Variants in NRIP1 observed in about 807,000 individuals in gnomAD.
The protein encoded by NRIP1 is nuclear receptor-interacting protein 1.
In NRIP1, 28 loss-of-function variants were observed where a neutral mutation model predicts 75.0. The ratio of observed to expected loss-of-function variants is 0.37; its 90% CI spans 0.28 to 0.51. NRIP1 has a LOEUF of 0.51. NRIP1 is among the 20% of genes least tolerant of loss of function. The pLI, the probability that NRIP1 is intolerant of heterozygous loss-of-function variation, is 0.92. For synonymous variants in NRIP1, 526 were observed against 487.6 expected (o/e 1.08, Z -1.04); for missense variants, 1,435 against 1,343.7 (o/e 1.07, Z -1.06).
chr21:14,974,953 TA>T lies in NRIP1; in HGVS notation c.-334-6428del, dbSNP rs549265843. Among the ~76,000 whole-genome samples the T allele has an allele frequency of 6.0e-4, 89 of 148,224 alleles. 1 individual carries two copies. Among genetic ancestry groups the T allele is most frequent in the East Asian group, 5.9e-3 (30 of 5,076 alleles). On this transcript the variant is annotated intron_variant, in intron 3 of 3. Coordinates refer to ENST00000318948, the MANE Select transcript of NRIP1 (RefSeq NM_003489.4). ...CGAGACCCCATCTTTACAAAAACATTAAAAAAAAAATAGCTGGGTGTGATGT... is the reference window on the plus strand; with the variant it reads ...CGAGACCCCATCTTTACAAAAACATTAAAAAAAAATAGCTGGGTGTGATGT...
chr21:14,963,546 G>C lies in NRIP1; in HGVS notation c.*1170C>G, dbSNP rs1283859571. The C allele has an allele frequency of 2.6e-5, 4 of 152,480 alleles. No homozygotes were observed. Among genetic ancestry groups the C allele is most frequent in the African/African-American group, 9.7e-5 (4 of 41,438 alleles). 9.4% of individuals were successfully genotyped at this position (152,480 alleles called of 1,614,324 possible). A position where few individuals can be genotyped will look rare whatever the true frequency, so the allele number is the denominator to read the frequency against. Reference sequence around the variant, plus strand: ...TGAGCTGATGTGTGACTGTATTGGGGAAAATAGAGGCATCACATAGTTTTT... The same window carrying C: ...TGAGCTGATGTGTGACTGTATTGGGCAAAATAGAGGCATCACATAGTTTTT... On this transcript the variant is annotated 3_prime_UTR_variant, in exon 4 of 4. Transcript: ENST00000318948.
chr21:15,015,861 TA>T (rs2088215516), intron 2 of NRIP1, among the ~76,000 whole-genome samples: 1 of 152,202 alleles, frequency 6.6e-6, no homozygotes, highest in African/African-American at 2.4e-5. Context: ...ACATACATAT[TA>T]TTTTTCTAAC....
chr21:15,035,438 GT>G (rs2088809500), intron 2 of NRIP1, among the ~76,000 whole-genome samples: 1 of 151,884 alleles, frequency 6.6e-6, no homozygotes, highest in Non-Finnish European at 1.5e-5. Context: ...AATAAAGTCT[GT>G]ATAATTCTCA....
At chr21:14,992,237 C>CG (rs2087593090) in intron 3 of NRIP1, 1 of 152,208 alleles carries the variant, frequency 6.6e-6, no homozygotes, top group Admixed American at 6.5e-5. Context: ...TTTATAGAGA[C>CG]GGGGTTTCGA....
intron 1 of NRIP1, among the ~76,000 whole-genome samples, chr21:15,061,106 C>G (rs1333409005): frequency 2.0e-5 from 3 of 152,128 alleles, no homozygotes; most frequent in African/African-American, 7.2e-5. Flanking sequence ...TTCACAGATT[C>G]AAACTCATAT....
chr21:15,062,367 C>G (rs1190400678), intron 1 of NRIP1, among the ~76,000 whole-genome samples: 1 of 152,194 alleles, frequency 6.6e-6, no homozygotes, highest in Non-Finnish European at 1.5e-5. Flanking sequence ...TTGTAATGCT[C>G]TCCTGTATTT....
intron 1 of NRIP1, among the ~76,000 whole-genome samples, chr21:15,058,069 C>T (rs1237893256): frequency 6.6e-6 from 1 of 152,172 alleles, no homozygotes; most frequent in Non-Finnish European, 1.5e-5. Context: ...GCATATACTG[C>T]TGTACAGTCA....
intron 3 of NRIP1, among the ~76,000 whole-genome samples, chr21:14,993,600 G>A (rs2087631491): frequency 6.6e-6 from 1 of 152,054 alleles, no homozygotes; most frequent in Non-Finnish European, 1.5e-5. Flanking sequence ...GGGCAACACA[G>A]CGAGACCCCA....
intron 3 of NRIP1, among the ~76,000 whole-genome samples, chr21:14,991,950 T>C (rs375872791): frequency 5.0e-4 from 76 of 152,318 alleles, no homozygotes; most frequent in African/African-American, 1.7e-3. Context: ...TGCGTTCCTT[T>C]CATCTTTTTT....
intron 3 of NRIP1, among the ~76,000 whole-genome samples, chr21:15,008,129 CAG>C (rs2088017117): frequency 6.7e-6 from 1 of 150,190 alleles, no homozygotes. Flanking sequence ...AAGAATTTAA[CAG>C]AGTATCAGCC....
At chr21:15,002,582 C>A (rs1213263479) in intron 3 of NRIP1, among the ~76,000 whole-genome samples, 1 of 152,080 alleles carries the variant, frequency 6.6e-6, no homozygotes, top group East Asian at 1.9e-4. Context: ...TTTTTTTAAT[C>A]TCAGGGGCAT....
rs371530639 is a variant in NRIP1, at chr21:14,963,349, GCTAA to G, written c.*1363_*1366del. ...GTGGCCCTGTTTTTCCATCCCTAAGGCTAACTAAGTAGATGTTACTCATTAGAAC... is the reference window on the plus strand; with the variant it reads ...GTGGCCCTGTTTTTCCATCCCTAAGGCTAAGTAGATGTTACTCATTAGAAC... On this transcript the variant is annotated 3_prime_UTR_variant, in exon 4 of 4. Coordinates refer to ENST00000318948, the MANE Select transcript of NRIP1 (RefSeq NM_003489.4). 445 of 152,516 alleles carry G rather than the reference GCTAA, an allele frequency of 2.9e-3. 1 individual carries two copies. The highest frequency in any genetic ancestry group is 0.01 in the Middle Eastern group (3 of 294). 9.4% of individuals were successfully genotyped at this position (152,516 alleles called of 1,614,324 possible). A position where few individuals can be genotyped will look rare whatever the true frequency, so the allele number is the denominator to read the frequency against.
At chr21:15,023,226 T>A (rs981934238) in intron 2 of NRIP1, among the ~76,000 whole-genome samples, 2 of 152,210 alleles carry the variant, frequency 1.3e-5, no homozygotes, top group Admixed American at 6.5e-5. Flanking sequence ...GTAAATTATA[T>A]CTCAGTAAAG....
chr21:15,064,873 C>T lies in NRIP1; in HGVS notation c.-666G>A, dbSNP rs1411441175. 6 of 148,222 alleles carry T rather than the reference C, an allele frequency of 4.0e-5. No individual in the cohort carries two copies. In the East Asian group the frequency reaches 9.8e-4, roughly 24 times the overall value. 9.2% of individuals were successfully genotyped at this position (148,222 alleles called of 1,614,324 possible). ...ACCAGCGGCGCTCACGGCGCAGCGG[C>T]GGACGCGAGGCCACGGGCGGACGGG... On this transcript the variant is annotated 5_prime_UTR_variant, in exon 1 of 4. Transcript: ENST00000318948.
At chr21:15,032,069 C>T (rs1291230135) in intron 2 of NRIP1, among the ~76,000 whole-genome samples, 2 of 152,210 alleles carry the variant, frequency 1.3e-5, no homozygotes, top group Non-Finnish European at 2.9e-5. Flanking sequence ...ATCTGAGATG[C>T]TCCCACTCAT....
intron 3 of NRIP1, among the ~76,000 whole-genome samples, chr21:14,998,996 G>C (rs1039840658): frequency 6.6e-6 from 1 of 152,068 alleles, no homozygotes; most frequent in Admixed American, 6.6e-5. Flanking sequence ...TTATTCCAGT[G>C]TGAACTCTCG....
intron 2 of NRIP1, among the ~76,000 whole-genome samples, chr21:15,016,389 G>A (rs532623562): frequency 5.3e-5 from 8 of 152,048 alleles, no homozygotes; most frequent in East Asian, 3.9e-4. Flanking sequence ...TAGGGACCTC[G>A]GGAATTTCTG....
In NRIP1 at chr21:14,962,013, TATTATATA is replaced by T. The variant is rs1444061288; in HGVS notation, c.*2695_*2702del. On this transcript the variant is annotated 3_prime_UTR_variant, in exon 4 of 4. Coordinates refer to ENST00000318948, the MANE Select transcript of NRIP1 (RefSeq NM_003489.4). Reference sequence around the variant, plus strand: ...ACAAGTCAATATATATATATATACATATTATATATATATATATATATATATATATAAAA... The same window carrying T: ...ACAAGTCAATATATATATATATACATTATATATATATATATATATATAAAA... 1.0e-4 allele frequency: 6 copies of T among 57,818 alleles called. No homozygotes were observed. The East Asian group carries it at 6.9e-3, about 67-fold the overall frequency. 3.6% of individuals were successfully genotyped at this position (57,818 alleles called of 1,614,324 possible). A position where few individuals can be genotyped will look rare whatever the true frequency, so the allele number is the denominator to read the frequency against.
intron 2 of NRIP1, among the ~76,000 whole-genome samples, chr21:15,039,330 A>G (rs1004411943): frequency 6.6e-6 from 1 of 152,106 alleles, no homozygotes; most frequent in African/African-American, 2.4e-5. Context: ...AACAAGCACT[A>G]AAGTGTGATT....
Sources: gnomAD v4.1 joint callset for allele counts (sites outside exome capture counted in the v4.1 genomes callset) on GRCh38, gnomAD v4.1.1 for gene constraint, MANE v1.5 for transcripts, NCBI Gene and HGNC (gene_info 2026-07-23, HGNC 2026-07-21) for gene names.